Variants in ULK2 observed in about 807,000 individuals in gnomAD.
ULK2 encodes the protein serine/threonine-protein kinase ULK2.
ULK2 carries 76 observed loss-of-function variants against 127.5 expected under a neutral mutation model. The ratio of observed to expected loss-of-function variants is 0.60; its 90% CI spans 0.50 to 0.72. ULK2 has a LOEUF of 0.72. ULK2 is among the 30% of genes least tolerant of loss of function. The pLI is 0.00. For synonymous variants in ULK2, 452 were observed against 461.9 expected (o/e 0.98, Z 0.28); for missense variants, 1,144 against 1,295.9 (o/e 0.88, Z 1.80).
rs143091490 is a variant in ULK2, at chr17:19,781,921, C to G, written c.2607G>C (p.Val869=). The change falls in exon 23 of 27, where the codon GTG becomes GTC. Residue 869 remains valine (V), a synonymous_variant. Transcript: ENST00000395544. ...CTTTGCTCAGCTGACTGATCTGGTC[C>G]ACCACCACACTCTCCTGGATCTGGT... ...SLYQIQESVV[V]DQISQLSKDW... is the part of the protein sequence containing the mutation. The G allele has an allele frequency of 5.6e-4, 902 of 1,614,070 alleles. 3 individuals carry two copies. Among genetic ancestry groups the G allele is most frequent in the Admixed American group, 1.9e-3 (116 of 60,002 alleles).
intron 17 of ULK2, among the ~76,000 whole-genome samples, chr17:19,798,680 G>A (rs1429081173): frequency 6.6e-6 from 1 of 152,156 alleles, no homozygotes; most frequent in Non-Finnish European, 1.5e-5. Flanking sequence ...TTGTTAAAGA[G>A]TGCTTTTCTA....
chr17:19,841,685 A>AG lies in ULK2; in HGVS notation c.646-139dup. On this transcript the variant is annotated intron_variant, in intron 8 of 26. Transcript: ENST00000395544. ...AGGAAGGGACTGCTGACAGGAAAGG[A>AG]GGGAAAGTATGAGGGAGGAGGAAAG... is the stretch of plus-strand genomic sequence containing the variant. 4.9e-6 allele frequency: 3 copies of AG among 606,374 alleles called. No homozygotes were observed. In the South Asian group the frequency reaches 6.8e-5, roughly 14 times the overall value. The allele number at this position is 606,374 out of a possible 1,614,324, so 37.6% of individuals were successfully genotyped here.
chr17:19,819,585 G>A (rs542987410), intron 12 of ULK2, among the ~76,000 whole-genome samples: 1 of 152,176 alleles, frequency 6.6e-6, no homozygotes, highest in Admixed American at 6.5e-5. Flanking sequence ...AATTCTCTCT[G>A]ATGAGCTCTA....
At chr17:19,779,050 A>T (rs1443267410) in intron 25 of ULK2, among the ~76,000 whole-genome samples, 1 of 152,222 alleles carries the variant, frequency 6.6e-6, no homozygotes, top group Non-Finnish European at 1.5e-5. Flanking sequence ...AGTGCATATT[A>T]TTCATCTCAA....
intron 5 of ULK2, among the ~76,000 whole-genome samples, chr17:19,847,849 T>C (rs1409029126): frequency 1.3e-5 from 2 of 152,148 alleles, no homozygotes; most frequent in Non-Finnish European, 2.9e-5. Context: ...GACCAGCCTA[T>C]TCAGTAAATT....
Position 19,814,419 on chromosome 17 carries a change from T to TACATATATATAC in ULK2, c.1096+2329_1096+2330insGTATATATATGT, listed in dbSNP as rs1179974040. On this transcript the variant is annotated intron_variant, in intron 13 of 26. Coordinates refer to ENST00000395544, the MANE Select transcript of ULK2 (RefSeq NM_014683.4). ...ATGTCTGTTATTATATACATATATA[T>TACATATATATAC]ATATATATATATATATATATTTTTT... Among the ~76,000 whole-genome samples the TACATATATATAC allele has an allele frequency of 9.7e-3, 157 of 16,200 alleles. 4 individuals are homozygous for TACATATATATAC. The highest frequency in any genetic ancestry group is 0.027 in the African/African-American group (151 of 5,594). The allele number at this position is 16,200 out of a possible 152,430, so 10.6% of individuals were successfully genotyped here.
intron 25 of ULK2, among the ~76,000 whole-genome samples, chr17:19,779,531 C>CAAAAAAAAA (rs55957234): frequency 5.0e-4 from 34 of 67,904 alleles, no homozygotes; most frequent in East Asian, 1.8e-3. Flanking sequence ...AACTCCATCT[C>CAAAAAAAAA]AAAAAAAAAA....
Position 19,780,567 on chromosome 17 carries a change from T to G in ULK2, c.2821A>C (p.Lys941Gln). The G allele has an allele frequency of 6.2e-7, 1 of 1,613,926 alleles. No individual in the cohort carries two copies. Among genetic ancestry groups the G allele is most frequent in the Non-Finnish European group, 8.5e-7 (1 of 1,179,930 alleles). Residue 941 changes from lysine to glutamine, a missense_variant, in exon 25 of 27, where the codon AAG becomes CAG. By Grantham distance (53) the Lys-to-Gln change is moderately conservative (BLOSUM62 1). Coordinates refer to ENST00000395544, the MANE Select transcript of ULK2 (RefSeq NM_014683.4). ...CITMCKKLTEKLNRFFSDKQR... is the reference protein window; with the variant it reads ...CITMCKKLTEQLNRFFSDKQR... ...TTGTCAGAGAAGAATCGATTCAGCT[T>G]TTCTGTAAGTTTCTTGCACATGGTG...
intron 20 of ULK2, among the ~76,000 whole-genome samples, chr17:19,788,667 GT>G (rs918799866): frequency 5.9e-5 from 9 of 152,194 alleles, no homozygotes; most frequent in African/African-American, 2.2e-4. Flanking sequence ...GGCTCTTGGG[GT>G]TCCCAAGTCT....
intron 16 of ULK2, 34 bp downstream of exon 16, chr17:19,801,743 A>G (rs775951276): frequency 6.2e-7 from 1 of 1,606,188 alleles, no homozygotes; most frequent in Non-Finnish European, 8.5e-7. Flanking sequence ...AGTGAAAAAA[A>G]GGTTGAAAAC....
intron 5 of ULK2, 49 bp downstream of exon 5, chr17:19,849,320 C>T: frequency 6.5e-7 from 1 of 1,544,606 alleles, no homozygotes; most frequent in Non-Finnish European, 8.9e-7. Context: ...TAGGATTAAA[C>T]AGGCTGCAGC....
intron 3 of ULK2, among the ~76,000 whole-genome samples, chr17:19,862,114 C>T (rs372016319): frequency 5.3e-5 from 8 of 151,446 alleles, no homozygotes; most frequent in East Asian, 1.9e-4. Flanking sequence ...TTTTCCCCCC[C>T]GAGATGGAGT....
intron 26 of ULK2, 136 bp downstream of exon 26, chr17:19,777,445 G>A (rs910993852): frequency 2.1e-6 from 2 of 933,790 alleles, no homozygotes; most frequent in Non-Finnish European, 3.1e-6. Context: ...GCCACACAAA[G>A]GCTGTGATTT....
At chr17:19,803,164 AAGG>A (rs2087436358) in intron 15 of ULK2, among the ~76,000 whole-genome samples, 1 of 152,168 alleles carries the variant, frequency 6.6e-6, no homozygotes, top group Non-Finnish European at 1.5e-5. Flanking sequence ...GCCATTTTTT[AAGG>A]TAAAAAGGGT....
At chr17:19,791,079 A>C (rs868295416) in intron 20 of ULK2, among the ~76,000 whole-genome samples, 13 of 152,202 alleles carry the variant, frequency 8.5e-5, no homozygotes, top group South Asian at 2.1e-4. Flanking sequence ...CTCCACTTTC[A>C]CCCTTGGATA....
intron 20 of ULK2, among the ~76,000 whole-genome samples, chr17:19,792,158 T>C (rs1201440524): frequency 1.3e-5 from 2 of 151,864 alleles, no homozygotes; most frequent in East Asian, 3.9e-4. Context: ...ACAATGCATC[T>C]TAAAGAACTA....
chr17:19,860,610 C>T (rs1417131995), intron 3 of ULK2, among the ~76,000 whole-genome samples: 2 of 151,202 alleles, frequency 1.3e-5, no homozygotes, highest in Non-Finnish European at 1.5e-5. Flanking sequence ...CTGCAATCTC[C>T]GCCTCTTCAG....
intron 21 of ULK2, among the ~76,000 whole-genome samples, chr17:19,785,083 TTTC>T (rs561660486): frequency 2.6e-4 from 40 of 152,268 alleles, no homozygotes; most frequent in African/African-American, 9.4e-4. Flanking sequence ...ATCTAAATAC[TTTC>T]TTAAGTTTTG....
intron 20 of ULK2, among the ~76,000 whole-genome samples, chr17:19,790,863 C>T (rs1358743914): frequency 6.6e-6 from 1 of 152,202 alleles, no homozygotes; most frequent in Non-Finnish European, 1.5e-5. Context: ...AGTAGCTATA[C>T]TTACATCAGA....
Sources: allele counts gnomAD v4.1 joint callset (sites outside exome capture counted in the v4.1 genomes callset), GRCh38; gene constraint gnomAD v4.1.1; transcripts MANE v1.5; gene names NCBI Gene and HGNC (gene_info 2026-07-23, HGNC 2026-07-21).